The following EPB41L5 variants were observed in gnomAD, a reference collection of about 807,000 sequenced individuals.
EPB41L5 encodes the protein erythrocyte membrane protein band 4.1 like 5.
In EPB41L5, 55 loss-of-function variants were observed where a neutral mutation model predicts 106.6. The observed-to-expected ratio is 0.52, with a 90% CI of 0.42 to 0.65. The LOEUF is 0.65. Among genes scored for constraint, EPB41L5 ranks in the 30% least tolerant of loss-of-function variants. EPB41L5 has a pLI of 0.00. For missense variants in EPB41L5, 871 were observed against 882.1 expected (o/e 0.99, Z 0.16); for synonymous variants, 297 against 306.7 (o/e 0.97, Z 0.33).
chr2:120,112,911 C>G (rs528051397), intron 16 of EPB41L5, among the ~76,000 whole-genome samples: 59 of 152,296 alleles, frequency 3.9e-4, no homozygotes, highest in African/African-American at 1.3e-3. Context: ...GGCTGGGCTT[C>G]AAACTCAAGA....
chr2:120,058,239 G>T (rs1680790857), intron 3 of EPB41L5, among the ~76,000 whole-genome samples: 2 of 152,154 alleles, frequency 1.3e-5, no homozygotes, highest in South Asian at 4.1e-4. Context: ...AGGCTGGAGT[G>T]CAGTGGCATG....
intron 3 of EPB41L5, among the ~76,000 whole-genome samples, chr2:120,055,871 C>A (rs918167591): frequency 4.6e-5 from 7 of 152,104 alleles, no homozygotes; most frequent in African/African-American, 1.7e-4. Flanking sequence ...ATCATGTCAT[C>A]TGCAAAAAGA....
chr2:120,052,844 C>T (rs934887292), intron 3 of EPB41L5, among the ~76,000 whole-genome samples: 12 of 152,206 alleles, frequency 7.9e-5, no homozygotes, highest in East Asian at 1.9e-4. Flanking sequence ...ACCATGAATA[C>T]CATAACTTCA....
intron 16 of EPB41L5, among the ~76,000 whole-genome samples, chr2:120,120,913 C>T (rs557479127): frequency 3.9e-5 from 6 of 152,276 alleles, no homozygotes; most frequent in South Asian, 2.1e-4. Flanking sequence ...GTCAGGAGCT[C>T]GAGACCAGCC....
intron 14 of EPB41L5, among the ~76,000 whole-genome samples, chr2:120,099,401 C>T (rs1402757181): frequency 2.1e-5 from 3 of 145,790 alleles, no homozygotes; most frequent in Admixed American, 6.9e-5. Context: ...GTGGGAATGG[C>T]GGGGTGGGGA....
chr2:120,106,285 G>T, intron 16 of EPB41L5: 1 of 985,254 alleles, frequency 1.0e-6, no homozygotes, highest in Non-Finnish European at 1.2e-6. Flanking sequence ...AAGGCTGGAT[G>T]GTAGTAAAAT....
At chr2:120,105,341 T>A in intron 16 of EPB41L5, 1 of 967,514 alleles carries the variant, frequency 1.0e-6, no homozygotes, top group Non-Finnish European at 1.2e-6. Flanking sequence ...TATTTTATAT[T>A]TCGAAGAGTT....
chr2:120,104,200 A>G, intron 16 of EPB41L5: 3 of 1,535,906 alleles, frequency 2.0e-6, no homozygotes, highest in Non-Finnish European at 2.6e-6. Flanking sequence ...ATCCGTCATG[A>G]TGTTCATTTT....
At chr2:120,155,513 C>T (rs1042010226) in intron 20 of EPB41L5, among the ~76,000 whole-genome samples, 3 of 152,106 alleles carry the variant, frequency 2.0e-5, no homozygotes, top group African/African-American at 7.2e-5. Flanking sequence ...GTTCATTGAG[C>T]TTCTTAGATG....
intron 20 of EPB41L5, among the ~76,000 whole-genome samples, chr2:120,155,027 G>T (rs1686842298): frequency 6.6e-6 from 1 of 152,194 alleles, no homozygotes. Flanking sequence ...GAATAAAAGA[G>T]AAGTTATACC....
At chr2:120,079,612 G>A (rs776899024) in intron 10 of EPB41L5, among the ~76,000 whole-genome samples, 4 of 152,112 alleles carry the variant, frequency 2.6e-5, no homozygotes, top group Non-Finnish European at 5.9e-5. Context: ...CTGTTCTGTG[G>A]TACATTTTCT....
At chr2:120,054,293 A>G (rs1205385026) in intron 3 of EPB41L5, among the ~76,000 whole-genome samples, 1 of 151,840 alleles carries the variant, frequency 6.6e-6, no homozygotes, top group African/African-American at 2.4e-5. Context: ...AGTTCTTTGT[A>G]TTTTCTGGGT....
intron 2 of EPB41L5, among the ~76,000 whole-genome samples, chr2:120,028,379 A>G (rs1373840920): frequency 1.3e-5 from 2 of 152,030 alleles, no homozygotes; most frequent in East Asian, 3.9e-4. Flanking sequence ...AAAGAAAATA[A>G]AAGAAATTAG....
At chr2:120,151,164 T>C (rs1047255514) in intron 20 of EPB41L5, among the ~76,000 whole-genome samples, 4 of 151,932 alleles carry the variant, frequency 2.6e-5, no homozygotes, top group African/African-American at 9.7e-5. Context: ...TACAAAAAAT[T>C]AGCCGGGTGC....
intron 16 of EPB41L5, among the ~76,000 whole-genome samples, chr2:120,116,624 T>G (rs946225515): frequency 6.6e-6 from 1 of 152,156 alleles, no homozygotes. Context: ...TAGACTCAAG[T>G]AATCTCACTT....
intron 10 of EPB41L5, among the ~76,000 whole-genome samples, chr2:120,082,133 C>T (rs1365135558): frequency 2.6e-5 from 4 of 152,142 alleles, no homozygotes; most frequent in African/African-American, 4.8e-5. Flanking sequence ...CTGGCCAGAA[C>T]TTCCAACACT....
chr2:120,045,561 A>C (rs1437272978), intron 3 of EPB41L5, among the ~76,000 whole-genome samples: 1 of 152,168 alleles, frequency 6.6e-6, no homozygotes, highest in Non-Finnish European at 1.5e-5. Flanking sequence ...TGATAGTACC[A>C]CCATCTTGTC....
At position 120,135,981 on chromosome 2, in the gene EPB41L5, T is replaced by TA. The variant is rs531160604; in HGVS notation, c.1599+4267dup. Among the ~76,000 whole-genome samples, 50 of 151,846 alleles carry TA rather than the reference T, an allele frequency of 3.3e-4. 2 individuals carry two copies. The South Asian group carries it at 1.0e-2, about 30-fold the overall frequency. On this transcript the variant is annotated intron_variant, in intron 18 of 24. Transcript: ENST00000263713. The stretch of plus-strand genomic sequence containing the variant: ...GAAATTGTTGTGTATAAACTATTCA[T>TA]ATCTTTAGTAGGAAGGCTAAAAGAC...
At chr2:120,115,279 A>G (rs1489320076) in intron 16 of EPB41L5, among the ~76,000 whole-genome samples, 2 of 152,152 alleles carry the variant, frequency 1.3e-5, no homozygotes, top group Non-Finnish European at 2.9e-5. Flanking sequence ...GGAAGGACTT[A>G]TGCTGTTTCA....
Sources: gnomAD v4.1 joint callset for allele counts (sites outside exome capture counted in the v4.1 genomes callset) on GRCh38, gnomAD v4.1.1 for gene constraint, MANE v1.5 for transcripts, NCBI Gene and HGNC (gene_info 2026-07-23, HGNC 2026-07-21) for gene names.